Variants in MIDN observed in about 807,000 individuals in gnomAD.
The protein encoded by MIDN is midnolin.
A neutral mutation model predicts 46.1 loss-of-function variants in MIDN; 26 were observed. The ratio of observed to expected loss-of-function variants is 0.56; its 90% CI spans 0.41 to 0.78. The LOEUF is 0.78. MIDN is among the 30% of genes least tolerant of loss of function. The pLI is 0.00. For missense variants in MIDN, 850 were observed against 771.8 expected (o/e 1.10, Z -1.20); for synonymous variants, 432 against 343.3 (o/e 1.26, Z -2.86).
chr19:1,258,717 G>A lies in MIDN; in HGVS notation c.*1445G>A, dbSNP rs1018748700. The stretch of plus-strand genomic sequence containing the variant: ...TAACTGTAGCGCTGTAAATTTTTTT[G>A]TGGGAGGGTGGGCAGGGAGGGGTCC... On this transcript the variant is annotated 3_prime_UTR_variant, in exon 9 of 9. Coordinates refer to ENST00000682408, the MANE Select transcript of MIDN (RefSeq NM_001388306.1). 1 of 145,608 alleles carries A rather than the reference G, an allele frequency of 6.9e-6. No homozygotes were observed. The highest frequency in any genetic ancestry group is 2.6e-5 in the African/African-American group (1 of 39,000). 9.0% of individuals were successfully genotyped at this position (145,608 alleles called of 1,614,324 possible).
intron 4 of MIDN, 40 bp downstream of exon 4, chr19:1,251,941 G>A: frequency 6.3e-7 from 1 of 1,575,914 alleles, no homozygotes; most frequent in African/African-American, 1.4e-5. Flanking sequence ...GGCAGCCCTG[G>A]GAGCAGGGTG....
In MIDN at chr19:1,256,060, C is replaced by T. The variant is rs536798896; in HGVS notation, c.1258+366C>T. 4.8e-3 allele frequency among the ~76,000 whole-genome samples: 726 copies of T among 152,348 alleles called. 2 individuals carry two copies. The highest frequency in any genetic ancestry group is 7.6e-3 in the Non-Finnish European group (520 of 68,026). On this transcript the variant is annotated intron_variant, in intron 8 of 8. Coordinates refer to ENST00000682408, the MANE Select transcript of MIDN (RefSeq NM_001388306.1). Reference sequence around the variant, plus strand: ...GACTTGGAAAAGCAGCGAACACAACCCCCCTGCCAGCCTGGCCCCAGCTAC... The same window carrying T: ...GACTTGGAAAAGCAGCGAACACAACTCCCCTGCCAGCCTGGCCCCAGCTAC...
At position 1,255,030 on chromosome 19, in the gene MIDN, C is replaced by T. The variant is rs773648336; in HGVS notation, c.954C>T (p.His318=). ...CCGTCATCGAGAGCTTTGTGAATCACGCCCCGGGGGTCTTCTCAGGGACCT... is the reference window on the plus strand; with the variant it reads ...CCGTCATCGAGAGCTTTGTGAATCATGCCCCGGGGGTCTTCTCAGGGACCT... ...PGAVIESFVN[H]APGVFSGTFS... Residue 318 remains histidine (H), a synonymous_variant, in exon 7 of 9, where the codon CAC becomes CAT. Coordinates refer to ENST00000682408, the MANE Select transcript of MIDN (RefSeq NM_001388306.1). 6.2e-6 allele frequency: 10 copies of T among 1,613,274 alleles called. No individual in the cohort carries two copies. In the South Asian group the frequency reaches 7.7e-5, roughly 12 times the overall value.
At position 1,250,547 on chromosome 19, in the gene MIDN, C is replaced by G; in HGVS notation, c.233+18C>G. On this transcript the variant is annotated intron_variant, in intron 2 of 8. Coordinates refer to ENST00000682408, the MANE Select transcript of MIDN (RefSeq NM_001388306.1). ...AAAGACACGTAGGTACCGCGCGCCC[C>G]CGGCCGGCCGCCCCCTCGGGCCCCG... 1 of 1,179,226 alleles carries G rather than the reference C, an allele frequency of 8.5e-7. No individual in the cohort carries two copies. Among genetic ancestry groups the G allele is most frequent in the Non-Finnish European group, 1.1e-6 (1 of 934,592 alleles). 73.0% of individuals were successfully genotyped at this position (1,179,226 alleles called of 1,614,324 possible). A position where few individuals can be genotyped will look rare whatever the true frequency, so the allele number is the denominator to read the frequency against.
rs1029078403 is a variant in MIDN, at chr19:1,254,783, T to C, written c.826-119T>C. 6.5e-6 allele frequency: 8 copies of C among 1,232,888 alleles called. No homozygotes were observed. The Admixed American group carries it at 1.8e-4, about 27-fold the overall frequency. The allele number at this position is 1,232,888 out of a possible 1,614,324, so 76.4% of individuals were successfully genotyped here. ...TCGTGACCTTGGGCTAGTTTATCTC[T>C]AAACCCTGTGTTGACAGGTCATCTC... On this transcript the variant is annotated intron_variant, in intron 6 of 8. Transcript: ENST00000682408.
chr19:1,254,988 C>T lies in MIDN; in HGVS notation c.912C>T (p.Arg304=). The T allele has an allele frequency of 1.9e-6, 3 of 1,613,230 alleles. No individual in the cohort carries two copies. The change falls in exon 7 of 9, where the codon CGC becomes CGT. Residue 304 remains arginine, a synonymous_variant. Coordinates refer to ENST00000682408, the MANE Select transcript of MIDN (RefSeq NM_001388306.1). ...CCCCAGGGGCCAGCCCTGCCCCCCG[C>T]TCCCGAAAACCCGGCGCCGTCATCG... ...TSTPGASPAP[R]SRKPGAVIES...
intron 7 of MIDN, 55 bp downstream of exon 7, chr19:1,255,116 TG>T: frequency 1.9e-6 from 3 of 1,571,060 alleles, no homozygotes; most frequent in Non-Finnish European, 1.7e-6. Context: ...CCTGTGCATT[TG>T]GGGTCTACAT....
intron 7 of MIDN, among the ~76,000 whole-genome samples, 168 bp downstream of exon 7, chr19:1,255,229 G>GC (rs1438750372): frequency 6.6e-6 from 1 of 152,108 alleles, no homozygotes; most frequent in South Asian, 2.1e-4. Context: ...GCCTGGCCCT[G>GC]CCCGGGGGGC....
intron 2 of MIDN, 150 bp from the exon 3 acceptor site, chr19:1,251,412 C>A: frequency 1.5e-6 from 1 of 668,620 alleles, no homozygotes; most frequent in Non-Finnish European, 2.5e-6. Context: ...TCTGCACGCG[C>A]TTAGGGCCCT....
intron 6 of MIDN, 126 bp downstream of exon 6, chr19:1,254,604 T>G: frequency 9.5e-7 from 1 of 1,051,904 alleles, no homozygotes; most frequent in Non-Finnish European, 1.4e-6. Context: ...GGCTATCCTG[T>G]GACCTCGGGC....
At chr19:1,255,732 C>T (rs775642531) in intron 8 of MIDN, 38 bp downstream of exon 8, 23 of 1,497,058 alleles carry the variant, frequency 1.5e-5, no homozygotes, top group African/African-American at 8.3e-5. Context: ...CTTCCCCGCC[C>T]GCCTGGGCTT....
At position 1,254,038 on chromosome 19, in the gene MIDN, C is replaced by G; in HGVS notation, c.469C>G (p.Arg157Gly). ...RFILFKRPWH[R>G]QGPQSPERGG... ...CATTTTATTTAAGCGTCCGTGGCAC[C>G]GACAGGGACCCCAGAGCCCAGAGAG... Residue 157 changes from arginine to glycine, a missense_variant, in exon 5 of 9, where the codon CGA becomes GGA. Arg to Gly is a moderately radical substitution (Grantham distance 125). Coordinates refer to ENST00000682408, the MANE Select transcript of MIDN (RefSeq NM_001388306.1). 1 of 1,436,438 alleles carries G rather than the reference C, an allele frequency of 7.0e-7. No individual in the cohort carries two copies. Among genetic ancestry groups the G allele is most frequent in the Non-Finnish European group, 9.1e-7 (1 of 1,103,032 alleles). 89.0% of individuals were successfully genotyped at this position (1,436,438 alleles called of 1,614,324 possible).
chr19:1,250,600 C>A (rs1040723389), intron 2 of MIDN, 71 bp downstream of exon 2: 1 of 883,524 alleles, frequency 1.1e-6, no homozygotes, highest in South Asian at 5.3e-5. Context: ...AAGAGCGCGC[C>A]GCGCGGGGAA....
At chr19:1,255,793 C>G in intron 8 of MIDN, 99 bp downstream of exon 8, 1 of 1,214,580 alleles carries the variant, frequency 8.2e-7, no homozygotes. Context: ...CTGACCTGCC[C>G]AGGGGCTGGG....
At position 1,253,954 on chromosome 19, in the gene MIDN, C is replaced by T; in HGVS notation, c.385C>T (p.Pro129Ser). 4 of 1,390,938 alleles carry T rather than the reference C, an allele frequency of 2.9e-6. No homozygotes were observed. Among genetic ancestry groups the T allele is most frequent in the Non-Finnish European group, 3.7e-6 (4 of 1,080,076 alleles). 86.2% of individuals were successfully genotyped at this position (1,390,938 alleles called of 1,614,324 possible). ...QALESLTETQ[P>S]PAAPGPGRAG... ...GTCTGACCCGCCTCTGTCCCCACAG[C>T]CCCCAGCGGCGCCCGGGCCGGGCCG... Residue 129 changes from proline (P) to serine (S), a missense_variant and splice_region_variant, in exon 5 of 9, where the codon CCC (proline) becomes TCC (serine). Pro to Ser is a moderately conservative substitution (Grantham distance 74). Coordinates refer to ENST00000682408, the MANE Select transcript of MIDN (RefSeq NM_001388306.1).
chr19:1,255,284 C>A (rs1042739422), intron 7 of MIDN, 138 bp from the exon 8 acceptor site: 12 of 1,249,522 alleles, frequency 9.6e-6, no homozygotes, highest in Middle Eastern at 2.8e-4. Context: ...GTCCCGCTCC[C>A]GCCCCGTGGT....
Position 1,254,049 on chromosome 19 carries a change from C to G in MIDN, c.480C>G (p.Pro160=), listed in dbSNP as rs2081166395. The G allele has an allele frequency of 1.4e-6, 2 of 1,449,632 alleles. No homozygotes were observed. The highest frequency in any genetic ancestry group is 3.0e-5 in the African/African-American group (2 of 66,536). 89.8% of individuals were successfully genotyped at this position (1,449,632 alleles called of 1,614,324 possible). ...AGCGTCCGTGGCACCGACAGGGACC[C>G]CAGAGCCCAGAGAGGGGCGGCGAGA... The part of the protein sequence containing the change: ...LFKRPWHRQG[P]QSPERGGERP... The change falls in exon 5 of 9, where the codon CCC becomes CCG. Residue 160 remains proline (P), a synonymous_variant. Coordinates refer to ENST00000682408, the MANE Select transcript of MIDN (RefSeq NM_001388306.1).
At chr19:1,250,968 T>G in intron 2 of MIDN, among the ~76,000 whole-genome samples, 1 of 149,628 alleles carries the variant, frequency 6.7e-6, no homozygotes, top group Non-Finnish European at 1.5e-5. Context: ...CCCTCCCCCC[T>G]GGTATTTAAA....
chr19:1,251,370 G>C, intron 2 of MIDN, 192 bp from the exon 3 acceptor site: 1 of 568,194 alleles, frequency 1.8e-6, no homozygotes. Context: ...CGAATCGCCA[G>C]GATGGGGCTC....
Sources: gnomAD v4.1 joint callset for allele counts (sites outside exome capture counted in the v4.1 genomes callset) on GRCh38, gnomAD v4.1.1 for gene constraint, MANE v1.5 for transcripts, NCBI Gene and HGNC (gene_info 2026-07-23, HGNC 2026-07-21) for gene names.